NTRK3: variants seen among roughly 807,000 people sequenced by gnomAD.
NTRK3 encodes the protein NT-3 growth factor receptor.
A neutral mutation model predicts 91.7 loss-of-function variants in NTRK3; 24 were observed. That is an observed-to-expected ratio of 0.26 (90% confidence interval 0.19 to 0.37). The LOEUF (loss-of-function observed/expected upper bound fraction) is 0.37, where lower values mean the gene tolerates loss of function less well. Ranked by LOEUF, NTRK3 falls within the 10% of genes least tolerant of loss-of-function variation. The pLI, the probability that NTRK3 is intolerant of heterozygous loss-of-function variation, is 1.00. For missense variants in NTRK3, 880 were observed against 1,068.9 expected (o/e 0.82, Z 2.46); for synonymous variants, 483 against 404.0 (o/e 1.20, Z -2.34).
At chr15:88,153,525 G>A (rs1453880502) in intron 5 of NTRK3, among the ~76,000 whole-genome samples, 1 of 152,134 alleles carries the variant, frequency 6.6e-6, no homozygotes, top group East Asian at 1.9e-4. Context: ...AAAGTGCTGG[G>A]ATTACAGGTG....
At chr15:88,224,461 G>A (rs536475119) in intron 3 of NTRK3, among the ~76,000 whole-genome samples, 8 of 152,348 alleles carry the variant, frequency 5.3e-5, no homozygotes, top group African/African-American at 1.9e-4. Context: ...TCACCTCCCA[G>A]CTGAGGGGAC....
Position 88,093,082 on chromosome 15 carries a change from T to G in NTRK3, c.1396+33189A>C, listed in dbSNP as rs182392944. Among the ~76,000 whole-genome samples, 705 of 151,528 alleles carry G rather than the reference T, an allele frequency of 4.7e-3. 11 individuals carry two copies. The highest frequency in any genetic ancestry group is 0.037 in the Middle Eastern group (11 of 294). ...TTTTTTTTGTTTTTTTTGTTTTTTT[T>G]TTTTTGTTGGGGAGACAACCTTATT... is the stretch of plus-strand genomic sequence containing the variant. On this transcript the variant is annotated intron_variant, in intron 13 of 18. Coordinates refer to ENST00000394480, the Ensembl canonical transcript of NTRK3.
intron 13 of NTRK3, 102 bp from the exon 14 acceptor site, chr15:88,033,147 T>C (rs2078706510): frequency 7.9e-6 from 7 of 883,892 alleles, no homozygotes; most frequent in Non-Finnish European, 1.0e-5. Context: ...ATCACAAACA[T>C]TTTCTTTTTT....
At chr15:88,242,998 T>C (rs1194718151) in intron 3 of NTRK3, among the ~76,000 whole-genome samples, 1 of 152,184 alleles carries the variant, frequency 6.6e-6, no homozygotes, top group African/African-American at 2.4e-5. Flanking sequence ...CCATAGGCCA[T>C]AGGGCCCTCC....
intron 15 of NTRK3, among the ~76,000 whole-genome samples, chr15:87,936,841 C>T (rs1455888584): frequency 6.6e-6 from 1 of 152,172 alleles, no homozygotes; most frequent in African/African-American, 2.4e-5. Flanking sequence ...GTGCCCCTCT[C>T]TTATCTGTCT....
chr15:87,898,485 T>C (rs902667064), intron 17 of NTRK3, among the ~76,000 whole-genome samples: 8 of 151,930 alleles, frequency 5.3e-5, no homozygotes, highest in African/African-American at 1.9e-4. Context: ...AAGACAAGGG[T>C]GGGCTGGTTA....
chr15:88,177,880 A>G (rs2046140794), intron 5 of NTRK3, among the ~76,000 whole-genome samples: 1 of 152,214 alleles, frequency 6.6e-6, no homozygotes, highest in South Asian at 2.1e-4. Flanking sequence ...CACTTTCCAG[A>G]CGTTGTCTTA....
chr15:87,953,446 A>G (rs2071347165), intron 14 of NTRK3, among the ~76,000 whole-genome samples: 1 of 152,178 alleles, frequency 6.6e-6, no homozygotes, highest in South Asian at 2.1e-4. Context: ...TGAGGTTTCA[A>G]TGATGTCAAT....
chr15:87,928,817 A>C, intron 17 of NTRK3: 1 of 398,966 alleles, frequency 2.5e-6, no homozygotes, highest in Non-Finnish European at 4.6e-6. Context: ...GGGACTGGGT[A>C]GGGAGACATT....
At chr15:88,136,739 C>A (rs1235118708) in intron 7 of NTRK3, 130 bp from the exon 8 acceptor site, 5 of 1,121,276 alleles carry the variant, frequency 4.5e-6, no homozygotes, top group Non-Finnish European at 6.3e-6. Context: ...TGCTTGAGTT[C>A]TTGGAAGACC....
intron 14 of NTRK3, among the ~76,000 whole-genome samples, chr15:87,986,964 G>C (rs894021214): frequency 6.6e-6 from 1 of 152,256 alleles, no homozygotes; most frequent in African/African-American, 2.4e-5. Flanking sequence ...GCAAGAGCCA[G>C]ATTTGGCCCT....
intron 13 of NTRK3, among the ~76,000 whole-genome samples, chr15:88,084,200 A>T (rs1475918233): frequency 2.6e-5 from 4 of 151,968 alleles, no homozygotes; most frequent in African/African-American, 9.7e-5. Flanking sequence ...ACTGCGTTCA[A>T]AGCTCCTGCT....
intron 13 of NTRK3, among the ~76,000 whole-genome samples, chr15:88,122,379 G>T (rs1249175271): frequency 6.6e-6 from 1 of 152,180 alleles, no homozygotes; most frequent in Non-Finnish European, 1.5e-5. Context: ...GGGAGAGACA[G>T]CTGACAGAGA....
chr15:88,106,092 A>G (rs995665291), intron 13 of NTRK3, among the ~76,000 whole-genome samples: 3 of 152,210 alleles, frequency 2.0e-5, no homozygotes, highest in Admixed American at 6.5e-5. Context: ...ACATATTTTC[A>G]TTGGTCCATT....
chr15:87,916,676 G>A (rs2067470713), intron 17 of NTRK3: 2 of 671,098 alleles, frequency 3.0e-6, no homozygotes, highest in African/African-American at 1.8e-5. Context: ...GCAGGATTAG[G>A]GGGCTAAATA....
chr15:88,025,099 C>T (rs1346886270), intron 14 of NTRK3, among the ~76,000 whole-genome samples: 1 of 152,200 alleles, frequency 6.6e-6, no homozygotes, highest in Non-Finnish European at 1.5e-5. Context: ...CCAAGAAGGA[C>T]AGTGTGCATC....
At chr15:87,975,729 G>T (rs1483751886) in intron 14 of NTRK3, among the ~76,000 whole-genome samples, 1 of 152,104 alleles carries the variant, frequency 6.6e-6, no homozygotes, top group Non-Finnish European at 1.5e-5. Context: ...TCCTCATTCT[G>T]CCCAGCAACC....
intron 14 of NTRK3, among the ~76,000 whole-genome samples, chr15:88,021,614 G>A (rs561354419): frequency 5.3e-5 from 8 of 151,654 alleles, no homozygotes; most frequent in Non-Finnish European, 1.0e-4. Flanking sequence ...ATGCCTATTC[G>A]TATCCTTCAG....
chr15:87,937,117 C>A (rs1399404851), intron 15 of NTRK3, among the ~76,000 whole-genome samples: 1 of 152,174 alleles, frequency 6.6e-6, no homozygotes, highest in African/African-American at 2.4e-5. Flanking sequence ...CCCAGATTAG[C>A]TGGCACTCCT....
Sources: gnomAD v4.1 joint callset for allele counts (sites outside exome capture counted in the v4.1 genomes callset) on GRCh38, gnomAD v4.1.1 for gene constraint, MANE v1.5 for transcripts, NCBI Gene and HGNC (gene_info 2026-07-23, HGNC 2026-07-21) for gene names.